The following SRGAP3 variants were observed in gnomAD, a reference collection of about 807,000 sequenced individuals.
SRGAP3 encodes the protein SLIT-ROBO Rho GTPase-activating protein 3.
SRGAP3 carries 39 observed loss-of-function variants against 121.1 expected under a neutral mutation model. The ratio of observed to expected loss-of-function variants is 0.32; its 90% confidence interval spans 0.25 to 0.42. The LOEUF is 0.42. Among genes scored for constraint, SRGAP3 ranks in the 10% least tolerant of loss-of-function variants. The pLI is 1.00. For synonymous variants in SRGAP3, 601 were observed against 570.0 expected, an observed-to-expected ratio of 1.05 and a Z score of -0.77; for missense variants, 1,213 against 1,470.6, an observed-to-expected ratio of 0.82 and a Z score of 2.86.
chr3:9,127,955 G>A (rs1575115073), intron 1 of SRGAP3, among the ~76,000 whole-genome samples: 1 of 151,652 alleles, frequency 6.6e-6, no homozygotes, highest in Admixed American at 6.6e-5. Context: ...GGGGAGGGGA[G>A]GGGAGGGGAA....
intron 14 of SRGAP3, among the ~76,000 whole-genome samples, chr3:9,021,700 G>C (rs150314622): frequency 2.0e-5 from 3 of 152,292 alleles, no homozygotes; most frequent in Admixed American, 6.5e-5. Context: ...CAGGAGAAGG[G>C]AAAAACAGAG....
intron 1 of SRGAP3, among the ~76,000 whole-genome samples, chr3:9,131,281 A>C (rs557037525): frequency 6.6e-6 from 1 of 152,120 alleles, no homozygotes; most frequent in African/African-American, 2.4e-5. Context: ...CAGAAAAATT[A>C]AAAGGGGGAT....
intron 2 of SRGAP3, among the ~76,000 whole-genome samples, chr3:9,114,069 T>A (rs771134081): frequency 1.3e-5 from 2 of 152,136 alleles, no homozygotes; most frequent in South Asian, 4.2e-4. Context: ...ATTCCATCCA[T>A]TGAGTCCCCT....
chr3:9,086,494 T>C (rs1454512671), intron 3 of SRGAP3, among the ~76,000 whole-genome samples: 1 of 129,084 alleles, frequency 7.7e-6, no homozygotes, highest in Non-Finnish European at 1.6e-5. Context: ...CATTCCAGCC[T>C]GGGTGACAGA....
intron 3 of SRGAP3, among the ~76,000 whole-genome samples, chr3:9,090,863 C>T (rs1218970931): frequency 6.6e-6 from 1 of 152,058 alleles, no homozygotes. Flanking sequence ...TCTTGAACTC[C>T]TGACCTCAGG....
At chr3:9,112,585 T>A (rs1948669172) in intron 2 of SRGAP3, among the ~76,000 whole-genome samples, 1 of 152,142 alleles carries the variant, frequency 6.6e-6, no homozygotes, top group African/African-American at 2.4e-5. Context: ...GAGAAATACA[T>A]GGAGCCTGGA....
At chr3:9,298,402 T>A (rs1954989767) in intron 3 of SRGAP3, among the ~76,000 whole-genome samples, 2 of 152,324 alleles carry the variant, frequency 1.3e-5, no homozygotes, top group Middle Eastern at 3.4e-3. Flanking sequence ...TAATTCATCA[T>A]CATGTCTTTA....
intron 4 of SRGAP3, among the ~76,000 whole-genome samples, chr3:9,077,692 C>CT (rs1560091763): frequency 6.6e-6 from 1 of 152,222 alleles, no homozygotes; most frequent in Admixed American, 6.5e-5. Flanking sequence ...AGCCATCCTG[C>CT]CCTGCAGCCA....
chr3:9,032,364 A>C (rs533769384), intron 12 of SRGAP3, among the ~76,000 whole-genome samples: 326 of 152,334 alleles, frequency 2.1e-3, no homozygotes, highest in African/African-American at 7.6e-3. Context: ...TGAAGCGTGA[A>C]TGAAGTGTGG....
At chr3:9,012,574 T>G (rs966477160) in intron 17 of SRGAP3, among the ~76,000 whole-genome samples, 1 of 152,186 alleles carries the variant, frequency 6.6e-6, no homozygotes, top group African/African-American at 2.4e-5. Context: ...CTAGTGATTG[T>G]TGACATGGTG....
At chr3:9,305,371 T>C (rs1955140560) in intron 3 of SRGAP3, among the ~76,000 whole-genome samples, 1 of 151,548 alleles carries the variant, frequency 6.6e-6, no homozygotes, top group Non-Finnish European at 1.5e-5. Flanking sequence ...CTCTTTTTTT[T>C]TTTTTTTTTT....
intron 1 of SRGAP3, among the ~76,000 whole-genome samples, chr3:9,176,763 C>T (rs116767962): frequency 0.014 from 2,083 of 152,256 alleles, 49 homozygotes; most frequent in African/African-American, 0.047. Flanking sequence ...ACAGCTGTAT[C>T]TCTCAAGAAC....
chr3:9,132,967 G>C (rs1575121843), intron 1 of SRGAP3, among the ~76,000 whole-genome samples: 3 of 150,512 alleles, frequency 2.0e-5, no homozygotes, highest in East Asian at 1.9e-4. Flanking sequence ...CCATGATCGT[G>C]TGCATCATTC....
chr3:9,146,820 G>C (rs1007064806), intron 1 of SRGAP3, among the ~76,000 whole-genome samples: 6 of 152,190 alleles, frequency 3.9e-5, no homozygotes, highest in African/African-American at 1.2e-4. Context: ...TCCCTCTTGG[G>C]TGCTTGGCAG....
intron 1 of SRGAP3, among the ~76,000 whole-genome samples, chr3:9,188,243 T>A (rs1951657302): frequency 6.6e-6 from 1 of 152,168 alleles, no homozygotes; most frequent in African/African-American, 2.4e-5. Context: ...AGGAGAGAGA[T>A]ACAGAAATAT....
intron 10 of SRGAP3, among the ~76,000 whole-genome samples, chr3:9,044,799 C>G (rs889312674): frequency 6.6e-6 from 1 of 152,166 alleles, no homozygotes; most frequent in African/African-American, 2.4e-5. Context: ...TGCTAAGATT[C>G]TGAGCTCTCT....
intron 1 of SRGAP3, among the ~76,000 whole-genome samples, chr3:9,332,186 T>C (rs1955620300): frequency 6.6e-6 from 1 of 152,164 alleles, no homozygotes; most frequent in Admixed American, 6.5e-5. Flanking sequence ...AGTGGTGCCA[T>C]CTTGGCTCAC....
chr3:9,361,035 C>G (rs2030779622), intron 1 of SRGAP3, among the ~76,000 whole-genome samples: 1 of 152,172 alleles, frequency 6.6e-6, no homozygotes, highest in Non-Finnish European at 1.5e-5. Flanking sequence ...TGATGTTCAG[C>G]ATCTTTTCAT....
chr3:9,079,514 T>C (rs1947137450), intron 4 of SRGAP3, among the ~76,000 whole-genome samples: 1 of 152,260 alleles, frequency 6.6e-6, no homozygotes, highest in African/African-American at 2.4e-5. Flanking sequence ...TATGAAACTA[T>C]GCCTTGGAGA....
Sources: allele counts gnomAD v4.1 joint callset (sites outside exome capture counted in the v4.1 genomes callset), GRCh38; gene constraint gnomAD v4.1.1; transcripts MANE v1.5; gene names NCBI Gene and HGNC (gene_info 2026-07-23, HGNC 2026-07-21).